The following ATP4A variants were observed in gnomAD, a reference collection of about 807,000 sequenced individuals.
The protein encoded by ATP4A is potassium-transporting ATPase alpha chain 1.
A neutral mutation model predicts 112.1 loss-of-function variants in ATP4A; 73 were observed. The ratio of observed to expected loss-of-function variants is 0.65; its 90% confidence interval spans 0.54 to 0.79. ATP4A has a LOEUF of 0.79. Among genes scored for constraint, ATP4A ranks in the 30% least tolerant of loss-of-function variants. The pLI, the probability that ATP4A is intolerant of heterozygous loss-of-function variation, is 0.00. For missense variants in ATP4A, 1,081 were observed against 1,425.9 expected (o/e 0.76, Z 3.90); for synonymous variants, 588 against 588.9 (o/e 1.00, Z 0.02).
chr19:35,557,605 G>T lies in ATP4A; in HGVS notation c.1693+50C>A. On this transcript the variant is annotated intron_variant, in intron 11 of 21. Transcript: ENST00000262623. The surrounding 1 kb of genome is among the most constrained non-coding windows in gnomAD (Gnocchi z 4.4). ...GCCGGGAGTGGTGGGCAGGGTCTGTGCTAGCTCCTCCTCGCACCTGGAGTC... is the reference window on the plus strand; with the variant it reads ...GCCGGGAGTGGTGGGCAGGGTCTGTTCTAGCTCCTCCTCGCACCTGGAGTC... 3 of 1,548,526 alleles carry T rather than the reference G, an allele frequency of 1.9e-6. No individual in the cohort carries two copies. In the South Asian group the frequency reaches 3.6e-5, roughly 19 times the overall value.
At position 35,558,317 on chromosome 19, in the gene ATP4A, C is replaced by A; in HGVS notation, c.1500+45G>T. The A allele has an allele frequency of 2.5e-6, 4 of 1,569,940 alleles. No homozygotes were observed. The highest frequency in any genetic ancestry group is 1.7e-4 in the Middle Eastern group (1 of 5,840). On this transcript the variant is annotated intron_variant, in intron 10 of 21. Transcript: ENST00000262623. The surrounding 1 kb of genome is among the most constrained non-coding windows in gnomAD (Gnocchi z 5.1). ...GATGTGGGTGTGGCCTGGGGCGGGG[C>A]CCGAGGTGGGCGGGCCCAGGCCGTG...
Position 35,550,728 on chromosome 19 carries a change from T to C in ATP4A, c.3080-85A>G, listed in dbSNP as rs1238293827. 4.4e-6 allele frequency: 7 copies of C among 1,608,906 alleles called. No homozygotes were observed. In the African/African-American group the frequency reaches 8.0e-5, roughly 18 times the overall value. Reference sequence around the variant, plus strand: ...GGGCTCAGAGGTCAGTGCTGGTTGCTATGGAGGGTCAAGGGCTTAGAGGCC... The same window carrying C: ...GGGCTCAGAGGTCAGTGCTGGTTGCCATGGAGGGTCAAGGGCTTAGAGGCC... On this transcript the variant is annotated intron_variant, in intron 21 of 21. Transcript: ENST00000262623. This position sits in a 1 kb window ranked among gnomAD's most constrained non-coding sequence, Gnocchi z 4.1.
chr19:35,551,538 C>T lies in ATP4A; in HGVS notation c.2794G>A (p.Val932Met), dbSNP rs2071602035. 3.1e-6 allele frequency: 5 copies of T among 1,613,774 alleles called. No homozygotes were observed. The highest frequency in any genetic ancestry group is 1.1e-5 in the South Asian group (1 of 91,028). The change falls in exon 19 of 22, where the codon GTG (valine) becomes ATG (methionine). Residue 932 changes from valine (V) to methionine (M), a missense_variant. By Grantham distance (21) the Val-to-Met change is conservative. This residue lies in a region of ATP4A where 219 missense variants were observed against 320.9 expected (regional missense o/e 0.68). Transcript: ENST00000262623. This position sits in a 1 kb window ranked among gnomAD's most constrained non-coding sequence, Gnocchi z 5.2. ...CACACCTCAATGCTGATGAAGAACA[C>T]GGTGTAGCAGGTGTACTGCTGGTAC... The part of the protein sequence containing the change: ...RLYQQYTCYT[V>M]FFISIEVCQI...
chr19:35,554,874 A>C (rs898999962), intron 16 of ATP4A, 48 bp downstream of exon 16: 1 of 1,611,440 alleles, frequency 6.2e-7, no homozygotes, highest in African/African-American at 1.3e-5. Context: ...TCTGCAAGCA[A>C]GTGTCTCTGG....
At chr19:35,553,961 ACAGCCACAC>A (rs1474386832) in intron 16 of ATP4A, 132 bp from the exon 17 acceptor site, 1 of 1,321,592 alleles carries the variant, frequency 7.6e-7, no homozygotes, top group Non-Finnish European at 1.0e-6. Flanking sequence ...CAGGGACGGC[ACAGCCACAC>A]CAGCCTGGAC....
At position 35,557,956 on chromosome 19, in the gene ATP4A, G is replaced by T. The variant is rs1032981600; in HGVS notation, c.1501-109C>A. 18 of 924,412 alleles carry T rather than the reference G, an allele frequency of 1.9e-5. No homozygotes were observed. Among genetic ancestry groups the T allele is most frequent in the Admixed American group, 6.1e-5 (2 of 33,048 alleles). 57.3% of individuals were successfully genotyped at this position (924,412 alleles called of 1,614,324 possible). ...AGGGGCGGGGCCGAGAGCTCGGTGC[G>T]GGCTCTGAGAGCTGCGGGGAAGGGT... On this transcript the variant is annotated intron_variant, in intron 10 of 21. Coordinates refer to ENST00000262623, the MANE Select transcript of ATP4A (RefSeq NM_000704.3). This position sits in a 1 kb window ranked among gnomAD's most constrained non-coding sequence, Gnocchi z 4.4.
rs1439364533 is a variant in ATP4A at position 35,556,913 on chromosome 19, C to G, written c.1869G>C (p.Arg623=). 1.2e-6 allele frequency: 2 copies of G among 1,613,316 alleles called. No individual in the cohort carries two copies. Among genetic ancestry groups the G allele is most frequent in the East Asian group, 2.2e-5 (1 of 44,864 alleles). The change falls in exon 12 of 22, where the codon CGG becomes CGC. Residue 623 remains arginine (R), a splice_region_variant and synonymous_variant. Transcript: ENST00000262623. ...CTTGTTCCTCCCCACAGTGGCATAC[C>G]CGGATGCCTGCGGTGCGACACTTGA... is the stretch of plus-strand genomic sequence containing the variant. ...AVLKCRTAGI[R]VIMVTGDHPI...
In ATP4A at chr19:35,555,624, T is replaced by A. The variant is rs570878591; in HGVS notation, c.2007-34A>T. 1.3e-6 allele frequency: 2 copies of A among 1,579,280 alleles called. No homozygotes were observed. ...GAGATGGGAGGACCTCGCTGGGACC[T>A]CGGTCTGTGCCAGATGTGGGGAGAA... On this transcript the variant is annotated intron_variant, in intron 13 of 21. Transcript: ENST00000262623. The surrounding 1 kb of genome is among the most constrained non-coding windows in gnomAD (Gnocchi z 6.6).
rs374657696 is a variant in ATP4A at position 35,559,798 on chromosome 19, C to T, written c.1056+7G>A. ...AGCTCCCTGCATCCCCGCCTGCCCC[C>T]ACTCACTGTGACAGTGGCCAGCAGC... On this transcript the variant is annotated splice_region_variant and intron_variant, in intron 7 of 21. Transcript: ENST00000262623. The surrounding 1 kb of genome is among the most constrained non-coding windows in gnomAD (Gnocchi z 4.1). The T allele has an allele frequency of 5.3e-5, 86 of 1,612,712 alleles. No individual in the cohort carries two copies. The highest frequency in any genetic ancestry group is 4.4e-5 in the Non-Finnish European group (52 of 1,179,046).
rs140901929 is a variant in ATP4A at position 35,560,448 on chromosome 19, C to T, written c.702G>A (p.Glu234=). Residue 234 remains glutamate (E), a synonymous_variant, in exon 6 of 22, where the codon GAG becomes GAA. Transcript: ENST00000262623. This position sits in a 1 kb window ranked among gnomAD's most constrained non-coding sequence, Gnocchi z 5.1. ...TGCACTCGGGTGAGCGGGTCTGTGG[C>T]TCAGACTCCCCTGTCAGCGAGGAGT... is the stretch of plus-strand genomic sequence containing the variant. ...VDNSSLTGES[E]PQTRSPECTH... The T allele has an allele frequency of 1.1e-5, 17 of 1,613,758 alleles. 1 individual carries two copies. In the African/African-American group the frequency reaches 2.0e-4, roughly 19 times the overall value.
Position 35,560,358 on chromosome 19 carries a change from C to T in ATP4A, c.787+5G>A. ...ACTGGGCAGGCAGGCGGGGGCTTCA[C>T]AGACCCTCAAGGCACATGGTGGAGA... On this transcript the variant is annotated splice_donor_5th_base_variant and intron_variant, in intron 6 of 21. Transcript: ENST00000262623. The surrounding 1 kb of genome is among the most constrained non-coding windows in gnomAD (Gnocchi z 5.1). 1 of 1,612,836 alleles carries T rather than the reference C, an allele frequency of 6.2e-7. No individual in the cohort carries two copies. Among genetic ancestry groups the T allele is most frequent in the Non-Finnish European group, 8.5e-7 (1 of 1,179,330 alleles).
chr19:35,560,648 CG>C lies in ATP4A; in HGVS notation c.535-34del. The C allele has an allele frequency of 2.1e-6, 1 of 474,488 alleles. No individual in the cohort carries two copies. Among genetic ancestry groups the C allele is most frequent in the South Asian group, 2.4e-5 (1 of 41,298 alleles). 29.4% of individuals were successfully genotyped at this position (474,488 alleles called of 1,614,324 possible). ...GCAGGGGCACCAAAGTTGAGGTGGA[CG>C]GGGGTGGGGGTGGGAGCTGCTGCAT... On this transcript the variant is annotated intron_variant, in intron 5 of 21. Coordinates refer to ENST00000262623, the MANE Select transcript of ATP4A (RefSeq NM_000704.3). The surrounding 1 kb of genome is among the most constrained non-coding windows in gnomAD (Gnocchi z 5.1).
chr19:35,550,081 G>A lies in ATP4A; in HGVS notation c.*534C>T, dbSNP rs1261858510. 1 of 166,154 alleles carries A rather than the reference G, an allele frequency of 6.0e-6. No individual in the cohort carries two copies. The highest frequency in any genetic ancestry group is 1.3e-5 in the Non-Finnish European group (1 of 75,690). 10.3% of individuals were successfully genotyped at this position (166,154 alleles called of 1,614,324 possible). Reference sequence around the variant, plus strand: ...TTATTGAGGACCTACTATGTGCCAGGCTGTGTACTAGGCACTGGAGGTGCA... The same window carrying A: ...TTATTGAGGACCTACTATGTGCCAGACTGTGTACTAGGCACTGGAGGTGCA... On this transcript the variant is annotated 3_prime_UTR_variant, in exon 22 of 22. Coordinates refer to ENST00000262623, the MANE Select transcript of ATP4A (RefSeq NM_000704.3). This position sits in a 1 kb window ranked among gnomAD's most constrained non-coding sequence, Gnocchi z 4.1.
At position 35,563,496 on chromosome 19, in the gene ATP4A, C is replaced by T; in HGVS notation, c.44G>A (p.Gly15Asp). ...ENYELYSVEL[G>D]PGPGGDMAAK... ...AGCCATGTCCCCGCCAGGGCCAGGA[C>T]CCAGCTCCACCGAGTAGAGCTCATA... Residue 15 changes from glycine (G) to aspartate (D), a missense_variant, in exon 2 of 22, where the codon GGT (glycine) becomes GAT (aspartate). This residue lies in a region of ATP4A where 850 missense variants were observed against 1,068.2 expected (regional missense o/e 0.80). Coordinates refer to ENST00000262623, the MANE Select transcript of ATP4A (RefSeq NM_000704.3). 1 of 1,614,076 alleles carries T rather than the reference C, an allele frequency of 6.2e-7. No individual in the cohort carries two copies. The highest frequency in any genetic ancestry group is 8.5e-7 in the Non-Finnish European group (1 of 1,180,028).
intron 2 of ATP4A, 38 bp from the exon 3 acceptor site, chr19:35,563,306 T>A: frequency 6.2e-7 from 1 of 1,613,676 alleles, no homozygotes; most frequent in Non-Finnish European, 8.5e-7. Context: ...TGCTCTGGGC[T>A]CTCCTGGCCC....
chr19:35,557,087 GC>G lies in ATP4A; in HGVS notation c.1694del (p.Gly565AlafsTer7), dbSNP rs1408549251. On this transcript the variant is annotated frameshift_variant and splice_region_variant, in exon 12 of 22. Transcript: ENST00000262623. LOFTEE classifies it high-confidence loss of function. This position sits in a 1 kb window ranked among gnomAD's most constrained non-coding sequence, Gnocchi z 4.4. ...SLGGLGERVL[G>X]FCQLYLNEKD... ...TCTCATTCAGGTAGAGCTGGCAGAA[GC>G]CTGACCGGAAACGGGGAAGTCAGGG... The G allele has an allele frequency of 6.2e-7, 1 of 1,614,034 alleles. No individual in the cohort carries two copies. The highest frequency in any genetic ancestry group is 8.5e-7 in the Non-Finnish European group (1 of 1,180,028).
chr19:35,552,738 C>A (rs1292972673), intron 18 of ATP4A, among the ~76,000 whole-genome samples: 1 of 152,166 alleles, frequency 6.6e-6, no homozygotes, highest in African/African-American at 2.4e-5. Context: ...TGTGCAAATA[C>A]CCTGTGGGAG....
Position 35,558,240 on chromosome 19 carries a change from G to T in ATP4A, c.1500+122C>A, listed in dbSNP as rs2146309912. ...CATAGGCGGAGCGGGAGATGGGGTGGGGTTTGGCTGCGGAGAGAAGGGGCA... is the reference window on the plus strand; with the variant it reads ...CATAGGCGGAGCGGGAGATGGGGTGTGGTTTGGCTGCGGAGAGAAGGGGCA... On this transcript the variant is annotated intron_variant, in intron 10 of 21. Coordinates refer to ENST00000262623, the MANE Select transcript of ATP4A (RefSeq NM_000704.3). The surrounding 1 kb of genome is among the most constrained non-coding windows in gnomAD (Gnocchi z 5.1). 1 of 1,287,752 alleles carries T rather than the reference G, an allele frequency of 7.8e-7. No individual in the cohort carries two copies. Among genetic ancestry groups the T allele is most frequent in the Non-Finnish European group, 1.0e-6 (1 of 955,936 alleles). 79.8% of individuals were successfully genotyped at this position (1,287,752 alleles called of 1,614,324 possible).
Position 35,560,562 on chromosome 19 carries a change from C to T in ATP4A, c.588G>A (p.Leu196=). ...TCATCTCCACCAGGTCGCCCACCAC[C>T]AGTTGGTCAGCGTTGATCTGGAATT... is the stretch of plus-strand genomic sequence containing the variant. The part of the protein sequence containing the change: ...GDKFQINADQ[L]VVGDLVEMKG... Residue 196 remains leucine (L), a synonymous_variant, in exon 6 of 22, where the codon CTG becomes CTA. Transcript: ENST00000262623. This position sits in a 1 kb window ranked among gnomAD's most constrained non-coding sequence, Gnocchi z 5.1. The T allele has an allele frequency of 1.9e-6, 3 of 1,613,280 alleles. No individual in the cohort carries two copies. The highest frequency in any genetic ancestry group is 2.5e-6 in the Non-Finnish European group (3 of 1,179,940).
Sources: allele counts gnomAD v4.1 joint callset (sites outside exome capture counted in the v4.1 genomes callset), GRCh38; gene constraint gnomAD v4.1.1; regional missense constraint gnomAD v4.1.1; non-coding constraint Gnocchi (gnomAD v3.1); transcripts MANE v1.5; gene names NCBI Gene and HGNC (gene_info 2026-07-23, HGNC 2026-07-21).